LINGO2: variants seen among roughly 807,000 people sequenced by gnomAD.
LINGO2 encodes leucine rich repeat and Ig domain containing 2, also known as leucine-rich repeat and immunoglobulin-like domain-containing nogo receptor-interacting protein 2.
A neutral mutation model predicts 30.6 loss-of-function variants in LINGO2; 14 were observed. The observed-to-expected ratio is 0.46, with a 90% confidence interval of 0.30 to 0.72. The LOEUF is 0.72. LINGO2 is among the 30% of genes least tolerant of loss of function. LINGO2 has a pLI of 0.07. For missense variants in LINGO2, 729 were observed against 751.7 expected (o/e 0.97, Z 0.35); for synonymous variants, 317 against 288.5 (o/e 1.10, Z -1.00).
the LINGO2 span, among the ~76,000 whole-genome samples, chr9:28,897,122 C>A: frequency 6.6e-6 from 1 of 152,124 alleles, no homozygotes; most frequent in South Asian, 2.1e-4. Context: ...TAATGTGTTA[C>A]TACATAGTTT....
At chr9:28,491,810 T>C (rs1201091530) in intron 1 of LINGO2, among the ~76,000 whole-genome samples, 2 of 152,172 alleles carry the variant, frequency 1.3e-5, no homozygotes, top group African/African-American at 4.8e-5. Context: ...AAAGCTGAAA[T>C]GGGATTAGAA....
chr9:28,699,806 G>T, the LINGO2 span, among the ~76,000 whole-genome samples: 1 of 151,950 alleles, frequency 6.6e-6, no homozygotes, highest in Non-Finnish European at 1.5e-5. Flanking sequence ...ATGCGGTTGA[G>T]ATGAGGACTG....
intron 4 of LINGO2, among the ~76,000 whole-genome samples, chr9:28,229,375 G>C (rs1287683502): frequency 6.6e-6 from 1 of 151,416 alleles, no homozygotes; most frequent in East Asian, 1.9e-4. Context: ...AATAACTGTA[G>C]AAGAAAAAAA....
the LINGO2 span, among the ~76,000 whole-genome samples, chr9:28,937,741 G>A: frequency 6.6e-6 from 1 of 152,174 alleles, no homozygotes; most frequent in African/African-American, 2.4e-5. Context: ...GGCCTGCGGT[G>A]TGAGTGGCAG....
At chr9:28,302,771 A>T (rs1273112779) in intron 3 of LINGO2, among the ~76,000 whole-genome samples, 1 of 152,188 alleles carries the variant, frequency 6.6e-6, no homozygotes, top group Non-Finnish European at 1.5e-5. Flanking sequence ...AATAATAAGT[A>T]TTTGGCAAGT....
intron 4 of LINGO2, among the ~76,000 whole-genome samples, chr9:28,194,561 T>TAAAAA (rs555810032): frequency 1.1e-4 from 13 of 114,510 alleles, no homozygotes; most frequent in Admixed American, 2.6e-4. Context: ...CTCTCTATCC[T>TAAAAA]AAAAAAAAAA....
chr9:28,390,770 T>A (rs769723857), intron 2 of LINGO2, among the ~76,000 whole-genome samples: 11 of 152,206 alleles, frequency 7.2e-5, no homozygotes, highest in Non-Finnish European at 1.5e-4. Flanking sequence ...CAATTTGGTT[T>A]CTTCAGAGCT....
chr9:28,779,470 T>C, the LINGO2 span, among the ~76,000 whole-genome samples: 4 of 152,278 alleles, frequency 2.6e-5, no homozygotes, highest in South Asian at 4.1e-4. Flanking sequence ...AACCATGTGT[T>C]TTCCCCTGAG....
intron 4 of LINGO2, among the ~76,000 whole-genome samples, chr9:28,133,077 T>C (rs534404352): frequency 4.6e-5 from 7 of 152,150 alleles, no homozygotes; most frequent in Non-Finnish European, 7.4e-5. Context: ...AGCCTTTGCC[T>C]ATTATATCAA....
the LINGO2 span, among the ~76,000 whole-genome samples, chr9:28,996,530 T>C: frequency 6.6e-6 from 1 of 152,184 alleles, no homozygotes; most frequent in Non-Finnish European, 1.5e-5. Context: ...GGAGTATAGA[T>C]TCTGGGGCAG....
At chr9:28,698,178 G>A in the LINGO2 span, among the ~76,000 whole-genome samples, 2 of 151,878 alleles carry the variant, frequency 1.3e-5, no homozygotes, top group Non-Finnish European at 1.5e-5. Context: ...ATGGACATTG[G>A]TTTTGGTTTT....
chr9:27,978,138 TGTAAGAACACTTCA>T (rs2118865253), intron 5 of LINGO2, among the ~76,000 whole-genome samples: 1 of 152,120 alleles, frequency 6.6e-6, no homozygotes, highest in East Asian at 1.9e-4. Flanking sequence ...TGGGATGAAA[TGTAAGAACACTTCA>T]GCTCCAGAGT....
the LINGO2 span, among the ~76,000 whole-genome samples, chr9:29,162,138 T>C: frequency 6.6e-6 from 1 of 152,152 alleles, no homozygotes; most frequent in East Asian, 1.9e-4. Flanking sequence ...CAGGCTGGTC[T>C]TGAACTCCTG....
chr9:28,250,709 A>G (rs1175399542), intron 4 of LINGO2, among the ~76,000 whole-genome samples: 1 of 152,180 alleles, frequency 6.6e-6, no homozygotes, highest in Non-Finnish European at 1.5e-5. Flanking sequence ...AGAGAAGACA[A>G]AGCAGGATCT....
intron 2 of LINGO2, among the ~76,000 whole-genome samples, chr9:28,386,163 T>C (rs989174257): frequency 2.0e-5 from 3 of 152,156 alleles, no homozygotes; most frequent in South Asian, 2.1e-4. Flanking sequence ...GTATCTCTGT[T>C]TTAAAGGGAA....
At chr9:28,241,835 G>A (rs570248634) in intron 4 of LINGO2, among the ~76,000 whole-genome samples, 4 of 152,186 alleles carry the variant, frequency 2.6e-5, no homozygotes, top group Non-Finnish European at 5.9e-5. Context: ...GAAGTAAATA[G>A]GGCATGAGGT....
chr9:27,991,226 C>A (rs997207369), intron 5 of LINGO2, among the ~76,000 whole-genome samples: 1 of 151,904 alleles, frequency 6.6e-6, no homozygotes, highest in Non-Finnish European at 1.5e-5. Context: ...ATACAATGAA[C>A]GGCAACAACA....
the LINGO2 span, among the ~76,000 whole-genome samples, chr9:28,876,684 T>G: frequency 6.6e-6 from 1 of 152,294 alleles, no homozygotes; most frequent in East Asian, 1.9e-4. Flanking sequence ...AAGTCTTTGC[T>G]ATTGTGAATA....
the LINGO2 span, among the ~76,000 whole-genome samples, chr9:28,918,601 T>TA: frequency 6.6e-6 from 1 of 152,190 alleles, no homozygotes; most frequent in Admixed American, 6.5e-5. Context: ...AGAAGGAGCC[T>TA]ACGTCTCTAA....
Sources: gnomAD v4.1 joint callset for allele counts (sites outside exome capture counted in the v4.1 genomes callset) on GRCh38, gnomAD v4.1.1 for gene constraint, MANE v1.5 for transcripts, NCBI Gene and HGNC (gene_info 2026-07-23, HGNC 2026-07-21) for gene names.